Variants in NSD2 observed in about 807,000 individuals in gnomAD.
NSD2 encodes the protein histone-lysine N-methyltransferase NSD2.
A neutral mutation model predicts 139.0 loss-of-function variants in NSD2; 12 were observed. The ratio of observed to expected loss-of-function variants is 0.09; its 90% CI spans 0.06 to 0.14. The LOEUF is 0.14. NSD2 is among the 10% of genes least tolerant of loss of function. The pLI, the probability that NSD2 is intolerant of heterozygous loss-of-function variation, is 1.00. For missense variants in NSD2, 1,155 were observed against 1,745.0 expected (o/e 0.66, Z 6.02); for synonymous variants, 669 against 648.7 (o/e 1.03, Z -0.48).
intron 1 of NSD2, among the ~76,000 whole-genome samples, chr4:1,872,591 T>TGTGTGTGTGTGAGAGGA (rs1281608141): frequency 2.2e-5 from 1 of 44,838 alleles, no homozygotes; most frequent in Admixed American, 3.5e-4. Flanking sequence ...TGTGTGTGTG[T>TGTGTGTGTGTGAGAGGA]GAGAGAGAGA....
At position 1,951,312 on chromosome 4, in the gene NSD2, A is replaced by G. The variant is rs1044784748; in HGVS notation, c.2013+109A>G. On this transcript the variant is annotated intron_variant, in intron 10 of 21. Coordinates refer to ENST00000508803, the MANE Select transcript of NSD2 (RefSeq NM_001042424.3). Reference sequence around the variant, plus strand: ...CCCTTCCCACCAGACCCCTTCCCCAATCTCACCGTCACTCACTCATCTCTG... The same window carrying G: ...CCCTTCCCACCAGACCCCTTCCCCAGTCTCACCGTCACTCACTCATCTCTG... 4.0e-5 allele frequency: 58 copies of G among 1,438,636 alleles called. No homozygotes were observed. The Admixed American group carries it at 4.5e-4, about 11-fold the overall frequency. 89.1% of individuals were successfully genotyped at this position (1,438,636 alleles called of 1,614,324 possible).
At chr4:1,957,396 G>T (rs1724940023) in intron 15 of NSD2, among the ~76,000 whole-genome samples, 1 of 150,298 alleles carries the variant, frequency 6.7e-6, no homozygotes, top group Admixed American at 6.6e-5. Flanking sequence ...CAATTCTCCT[G>T]CCTCAGTCTC....
At chr4:1,882,233 G>T (rs1261414387) in intron 1 of NSD2, among the ~76,000 whole-genome samples, 2 of 149,984 alleles carry the variant, frequency 1.3e-5, no homozygotes, top group Non-Finnish European at 3.0e-5. Context: ...TTGAAATGTG[G>T]TGTGGCCTGT....
intron 12 of NSD2, chr4:1,954,472 C>T (rs1236113921): frequency 6.6e-6 from 1 of 152,216 alleles, no homozygotes; most frequent in Non-Finnish European, 1.5e-5. Flanking sequence ...AGGTGATCCT[C>T]CCACCTAAGC....
At position 1,918,522 on chromosome 4, in the gene NSD2, TCTC is replaced by T; in HGVS notation, c.1315_1317del (p.Pro439del). On this transcript the variant is annotated inframe_deletion, in exon 5 of 22. Coordinates refer to ENST00000508803, the MANE Select transcript of NSD2 (RefSeq NM_001042424.3). ...GGCTGACCCCAGAAGAGGAGTAGGGTCTCCTCCTGGGAGGAAGAAGACCACAGT... is the reference window on the plus strand; with the variant it reads ...GGCTGACCCCAGAAGAGGAGTAGGGTCTCCTGGGAGGAAGAAGACCACAGT... The T allele has an allele frequency of 6.2e-7, 1 of 1,613,594 alleles. No individual in the cohort carries two copies.
rs962295874 is a variant in NSD2 at position 1,947,494 on chromosome 4, T to C, written c.1882-3578T>C. 5 of 1,057,776 alleles carry C rather than the reference T, an allele frequency of 4.7e-6. No individual in the cohort carries two copies. The African/African-American group carries it at 8.2e-5, about 17-fold the overall frequency. The allele number at this position is 1,057,776 out of a possible 1,614,324, so 65.5% of individuals were successfully genotyped here. Reference sequence around the variant, plus strand: ...AATTTAGGGATAGCCAGGAAGTTTCTAGTTTGTGTAACCTAGAAGGGTCAC... The same window carrying C: ...AATTTAGGGATAGCCAGGAAGTTTCCAGTTTGTGTAACCTAGAAGGGTCAC... On this transcript the variant is annotated intron_variant, in intron 9 of 21. Transcript: ENST00000508803.
intron 1 of NSD2, among the ~76,000 whole-genome samples, chr4:1,876,772 A>G (rs1185988451): frequency 1.3e-5 from 2 of 151,932 alleles, no homozygotes; most frequent in Non-Finnish European, 1.5e-5. Flanking sequence ...TTCTGGAAGG[A>G]ATTGGAACCT....
intron 5 of NSD2, 143 bp from the exon 6 acceptor site, chr4:1,930,483 T>C (rs1239060134): frequency 1.1e-6 from 1 of 878,138 alleles, no homozygotes; most frequent in Non-Finnish European, 1.6e-6. Flanking sequence ...TCTTTGAAGC[T>C]TTTATGGACA....
chr4:1,941,940 C>G, intron 9 of NSD2: 1 of 1,075,652 alleles, frequency 9.3e-7, no homozygotes. Flanking sequence ...ACTGCTGGGC[C>G]CGATTCTGAT....
At chr4:1,923,985 A>C (rs1352046428) in intron 5 of NSD2, among the ~76,000 whole-genome samples, 2 of 152,156 alleles carry the variant, frequency 1.3e-5, no homozygotes, top group African/African-American at 4.8e-5. Context: ...GCAGCTGTGA[A>C]GGTATGTGCC....
rs945096485 is a variant in NSD2 at position 1,956,547 on chromosome 4, C to T, written c.2881+359C>T. On this transcript the variant is annotated intron_variant, in intron 15 of 21. Transcript: ENST00000508803. The surrounding 1 kb of genome is among the most constrained non-coding windows in gnomAD (Gnocchi z 5.3). ...CTTGTGCAGCAGGCTCTTGGGGGCT[C>T]GCTTTACCTTTCAGTGCATGAGGAA... 7.2e-5 allele frequency among the ~76,000 whole-genome samples: 11 copies of T among 152,206 alleles called. 1 individual carries two copies. Among genetic ancestry groups the T allele is most frequent in the Admixed American group, 3.9e-4 (6 of 15,296 alleles).
chr4:1,945,073 G>C (rs1262938225), intron 9 of NSD2: 1 of 1,066,126 alleles, frequency 9.4e-7, no homozygotes, highest in Non-Finnish European at 1.1e-6. Flanking sequence ...CTGTCCCACT[G>C]CTGCTTCTTG....
chr4:1,874,125 A>C (rs899985774), intron 1 of NSD2, among the ~76,000 whole-genome samples: 4 of 152,168 alleles, frequency 2.6e-5, no homozygotes, highest in Non-Finnish European at 5.9e-5. Context: ...TTACTCATAT[A>C]TTCTGATCTA....
At chr4:1,905,609 G>T (rs997520278) in intron 3 of NSD2, among the ~76,000 whole-genome samples, 2 of 152,252 alleles carry the variant, frequency 1.3e-5, no homozygotes, top group African/African-American at 2.4e-5. Context: ...CTAGGAATGG[G>T]GTACAGAGGT....
intron 3 of NSD2, among the ~76,000 whole-genome samples, chr4:1,915,715 T>A (rs561928940): frequency 6.6e-6 from 1 of 152,186 alleles, no homozygotes; most frequent in Non-Finnish European, 1.5e-5. Flanking sequence ...GAGGGTCTGA[T>A]TGGCCATTGA....
chr4:1,951,283 T>C, intron 10 of NSD2, 80 bp downstream of exon 10: 2 of 1,579,772 alleles, frequency 1.3e-6, no homozygotes, highest in Non-Finnish European at 1.7e-6. Context: ...TTGTAGTGTC[T>C]TTTCCCTTCC....
chr4:1,974,815 A>C lies in NSD2; in HGVS notation c.3373-48A>C. 6.2e-7 allele frequency: 1 copy of C among 1,610,098 alleles called. No individual in the cohort carries two copies. Among genetic ancestry groups the C allele is most frequent in the Non-Finnish European group, 8.5e-7 (1 of 1,176,600 alleles). ...GATGGTGAAAATTCCCTTTAAAAAT[A>C]ACATGCGATTGCTAACACTTGACCG... On this transcript the variant is annotated intron_variant, in intron 18 of 21. Coordinates refer to ENST00000508803, the MANE Select transcript of NSD2 (RefSeq NM_001042424.3). This position sits in a 1 kb window ranked among gnomAD's most constrained non-coding sequence, Gnocchi z 4.0.
intron 9 of NSD2, chr4:1,944,588 T>C (rs1354517706): frequency 1.9e-6 from 2 of 1,063,988 alleles, no homozygotes; most frequent in African/African-American, 3.3e-5. Context: ...TGAAAACTTG[T>C]CAGAATATAT....
Position 1,942,685 on chromosome 4 carries a change from G to A in NSD2, c.1881+2907G>A, listed in dbSNP as rs2108907777. The stretch of plus-strand genomic sequence containing the variant: ...AAGGCAGTCCCTTTAGTTGGGGGCT[G>A]TCCAGAGCTGCAGCAGGGCTTTGCA... On this transcript the variant is annotated intron_variant, in intron 9 of 21. Coordinates refer to ENST00000508803, the MANE Select transcript of NSD2 (RefSeq NM_001042424.3). This position sits in a 1 kb window ranked among gnomAD's most constrained non-coding sequence, Gnocchi z 4.0. 8.8e-7 allele frequency: 1 copy of A among 1,137,936 alleles called. No individual in the cohort carries two copies. Among genetic ancestry groups the A allele is most frequent in the Middle Eastern group, 3.7e-4 (1 of 2,672 alleles). The allele number at this position is 1,137,936 out of a possible 1,614,324, so 70.5% of individuals were successfully genotyped here.
Sources: gnomAD v4.1 joint callset for allele counts (sites outside exome capture counted in the v4.1 genomes callset) on GRCh38, gnomAD v4.1.1 for gene constraint, Gnocchi (gnomAD v3.1) non-coding constraint, MANE v1.5 for transcripts, NCBI Gene and HGNC (gene_info 2026-07-23, HGNC 2026-07-21) for gene names.